Variants in SLC30A9 observed in about 807,000 individuals in gnomAD.
SLC30A9 encodes proton-coupled zinc antiporter SLC30A9, mitochondrial.
Under a neutral mutation model 87.5 loss-of-function variants are expected in SLC30A9, and 58 were observed. The ratio of observed to expected loss-of-function variants is 0.66; its 90% confidence interval spans 0.54 to 0.82. The LOEUF (loss-of-function observed/expected upper bound fraction) is 0.82. SLC30A9 is among the 40% of genes least tolerant of loss of function. The pLI, the probability that SLC30A9 is intolerant of heterozygous loss-of-function variation, is 0.00. For missense variants in SLC30A9, 557 were observed against 679.1 expected, an observed-to-expected ratio of 0.82 and a Z score of 2.00; for synonymous variants, 234 against 233.0, an observed-to-expected ratio of 1.00 and a Z score of -0.04.
At chr4:42,042,048 T>C (rs2153137708) in intron 8 of SLC30A9, among the ~76,000 whole-genome samples, 1 of 152,318 alleles carries the variant, frequency 6.6e-6, no homozygotes, top group East Asian at 1.9e-4. Context: ...GCTTTTCCCA[T>C]GGTCTTCACA....
At chr4:42,018,442 GA>G in intron 3 of SLC30A9, 1 of 1,272,364 alleles carries the variant, frequency 7.9e-7, no homozygotes, top group Non-Finnish European at 1.0e-6. Flanking sequence ...ATCATTTTTA[GA>G]AGAGTAAGGC....
intron 2 of SLC30A9, among the ~76,000 whole-genome samples, chr4:42,012,705 T>A (rs142956437): frequency 6.3e-4 from 96 of 152,324 alleles, no homozygotes; most frequent in Non-Finnish European, 1.1e-3. Context: ...TTTCTATTTT[T>A]TTAATCCATT....
rs750399680 is a variant in SLC30A9 at position 42,039,015 on chromosome 4, T to A, written c.699T>A (p.Phe233Leu). 12 of 1,613,748 alleles carry A rather than the reference T, an allele frequency of 7.4e-6. No homozygotes were observed. The highest frequency in any genetic ancestry group is 8.5e-6 in the Non-Finnish European group (10 of 1,179,836). Residue 233 changes from phenylalanine (F) to leucine (L), a missense_variant, in exon 8 of 18, where the codon TTT (phenylalanine) becomes TTA (leucine). By Grantham distance (22) the Phe-to-Leu change is conservative. Coordinates refer to ENST00000264451, the MANE Select transcript of SLC30A9 (RefSeq NM_006345.4). ...GCTCCAGAACAGCATCAGTGTTTTTTAAGGGACCAGGAAAAGTGGTGATGG... is the reference window on the plus strand; with the variant it reads ...GCTCCAGAACAGCATCAGTGTTTTTAAAGGGACCAGGAAAAGTGGTGATGG... ...KPRSRTASVF[F>L]KGPGKVVMVA... is the part of the protein sequence containing the mutation.
intron 2 of SLC30A9, among the ~76,000 whole-genome samples, chr4:42,003,535 T>C (rs1715072305): frequency 1.3e-5 from 2 of 152,164 alleles, no homozygotes; most frequent in Admixed American, 6.5e-5. Context: ...ATTCCCTCTA[T>C]CATTGTGCAG....
chr4:42,050,571 G>GT (rs1264996521), intron 9 of SLC30A9, among the ~76,000 whole-genome samples: 1 of 152,162 alleles, frequency 6.6e-6, no homozygotes, highest in Non-Finnish European at 1.5e-5. Context: ...TAAAAAGAAT[G>GT]TAGTAGATAT....
Position 42,067,146 on chromosome 4 carries a change from G to A in SLC30A9, c.1206G>A (p.Leu402=). The change falls in exon 14 of 18, where the codon TTG becomes TTA. Residue 402 remains leucine, a synonymous_variant. Coordinates refer to ENST00000264451, the MANE Select transcript of SLC30A9 (RefSeq NM_006345.4). ...TATTGGAGGATACTGCTGCAGTCTTGGGAGTTATAATAGCAGCCACTTGCA... is the reference window on the plus strand; with the variant it reads ...TATTGGAGGATACTGCTGCAGTCTTAGGAGTTATAATAGCAGCCACTTGCA... ...VILLEDTAAV[L]GVIIAATCMG... The A allele has an allele frequency of 6.2e-7, 1 of 1,612,684 alleles. No individual in the cohort carries two copies. The highest frequency in any genetic ancestry group is 2.2e-5 in the East Asian group (1 of 44,726).
chr4:42,029,821 A>C (rs1221692826), intron 6 of SLC30A9: 1 of 726,252 alleles, frequency 1.4e-6, no homozygotes, highest in African/African-American at 1.7e-5. Context: ...CCAGTGATGA[A>C]GTATAACGCA....
chr4:42,063,075 G>A lies in SLC30A9; in HGVS notation c.986G>A (p.Gly329Glu). 1 of 1,613,472 alleles carries A rather than the reference G, an allele frequency of 6.2e-7. No individual in the cohort carries two copies. The highest frequency in any genetic ancestry group is 8.5e-7 in the Non-Finnish European group (1 of 1,179,518). The change falls in exon 11 of 18, where the codon GGA (glycine) becomes GAA (glutamate). Residue 329 changes from glycine to glutamate, a missense_variant. Around this residue, in one of 2 missense-constraint regions of SLC30A9, gnomAD observed 467 missense variants for 529.8 expected, o/e 0.88. Coordinates refer to ENST00000264451, the MANE Select transcript of SLC30A9 (RefSeq NM_006345.4). ...MMGAGLSWYHGVMGLLHPQPI... is the reference protein window; with the variant it reads ...MMGAGLSWYHEVMGLLHPQPI... ...GGTGCAGGACTATCTTGGTACCATG[G>A]AGTCATGGGATTGCTTCATCCTCAA...
intron 1 of SLC30A9, among the ~76,000 whole-genome samples, chr4:41,996,579 A>G (rs1714719075): frequency 6.6e-6 from 1 of 152,014 alleles, no homozygotes; most frequent in Non-Finnish European, 1.5e-5. Context: ...TCTCTACAAA[A>G]AAAAATTAAA....
At chr4:42,016,183 A>G (rs1715712361) in intron 2 of SLC30A9, among the ~76,000 whole-genome samples, 1 of 152,228 alleles carries the variant, frequency 6.6e-6, no homozygotes, top group South Asian at 2.1e-4. Context: ...TGCATAGGAC[A>G]GTACATGGCA....
intron 1 of SLC30A9, among the ~76,000 whole-genome samples, chr4:41,991,335 C>A (rs1286376396): frequency 6.6e-6 from 1 of 152,214 alleles, no homozygotes; most frequent in Non-Finnish European, 1.5e-5. Flanking sequence ...TTCAGTTCGG[C>A]TGAGCAGTCT....
chr4:41,993,301 CAGTG>C (rs548502639), intron 1 of SLC30A9, among the ~76,000 whole-genome samples: 112 of 151,920 alleles, frequency 7.4e-4, no homozygotes, highest in Non-Finnish European at 1.4e-3. Context: ...CTTTAAAACC[CAGTG>C]AGTATTTTAC....
At chr4:42,070,814 G>A in intron 15 of SLC30A9, 123 bp downstream of exon 15, 3 of 656,626 alleles carry the variant, frequency 4.6e-6, no homozygotes, top group South Asian at 3.8e-5. Flanking sequence ...GTTTTAGTCT[G>A]TAACTTTTCA....
At chr4:42,052,784 A>G (rs1717428821) in intron 9 of SLC30A9, among the ~76,000 whole-genome samples, 1 of 152,268 alleles carries the variant, frequency 6.6e-6, no homozygotes. Context: ...AAGATTCTAG[A>G]AGAAAACCTA....
intron 8 of SLC30A9, among the ~76,000 whole-genome samples, chr4:42,046,323 T>C (rs1717150201): frequency 6.6e-6 from 1 of 152,224 alleles, no homozygotes; most frequent in South Asian, 2.1e-4. Flanking sequence ...CATGATTGTA[T>C]ATTTAGAAAA....
At chr4:42,028,595 C>T (rs1427605520) in intron 6 of SLC30A9, among the ~76,000 whole-genome samples, 1 of 152,214 alleles carries the variant, frequency 6.6e-6, no homozygotes, top group Non-Finnish European at 1.5e-5. Context: ...GCCTTTTCAT[C>T]AGTAGATACT....
chr4:42,034,691 G>A (rs1716606032), intron 6 of SLC30A9, among the ~76,000 whole-genome samples: 1 of 152,082 alleles, frequency 6.6e-6, no homozygotes, highest in Admixed American at 6.5e-5. Flanking sequence ...ATGGACATTT[G>A]GGTTGCTTCA....
In SLC30A9 at chr4:42,088,529, TG is replaced by T. The variant is rs2153142056; in HGVS notation, c.*2404del. On this transcript the variant is annotated 3_prime_UTR_variant, in exon 18 of 18. Transcript: ENST00000264451. Reference sequence around the variant, plus strand: ...ACTGAACAGGAAACATAGCAGCTTCTGCTTCTGGGGAGGCCTCGGGAAACTT... The same window carrying T: ...ACTGAACAGGAAACATAGCAGCTTCTCTTCTGGGGAGGCCTCGGGAAACTT... 1 of 152,440 alleles carries T rather than the reference TG, an allele frequency of 6.6e-6. No individual in the cohort carries two copies. Among genetic ancestry groups the T allele is most frequent in the South Asian group, 2.1e-4 (1 of 4,834 alleles). The allele number at this position is 152,440 out of a possible 1,614,324, so 9.4% of individuals were successfully genotyped here. A position where few individuals can be genotyped will look rare whatever the true frequency, so the allele number is the denominator to read the frequency against.
intron 8 of SLC30A9, among the ~76,000 whole-genome samples, chr4:42,048,527 C>T (rs887323640): frequency 1.3e-4 from 20 of 152,192 alleles, no homozygotes; most frequent in African/African-American, 3.8e-4. Flanking sequence ...ACTAGCATAA[C>T]GTCTGAGATA....
Sources: gnomAD v4.1 joint callset for allele counts (sites outside exome capture counted in the v4.1 genomes callset) on GRCh38, gnomAD v4.1.1 for gene constraint, gnomAD v4.1.1 regional missense constraint, MANE v1.5 for transcripts, NCBI Gene and HGNC (gene_info 2026-07-23, HGNC 2026-07-21) for gene names.